The following TMTC1 variants were observed in gnomAD, a reference collection of about 807,000 sequenced individuals.
The protein encoded by TMTC1 is protein O-mannosyl-transferase TMTC1.
Under a neutral mutation model 104.8 loss-of-function variants are expected in TMTC1, and 73 were observed. The ratio of observed to expected loss-of-function variants is 0.70; its 90% confidence interval spans 0.58 to 0.85. TMTC1 has a LOEUF of 0.85. Ranked by LOEUF, TMTC1 falls within the 40% of genes least tolerant of loss-of-function variation. The pLI, the probability that TMTC1 is intolerant of heterozygous loss-of-function variation, is 0.00. For missense variants in TMTC1, 1,035 were observed against 1,096.1 expected (o/e 0.94, Z 0.79); for synonymous variants, 434 against 428.7 (o/e 1.01, Z -0.15).
chr12:29,559,771 C>T (rs994177487), intron 9 of TMTC1, among the ~76,000 whole-genome samples: 7 of 152,152 alleles, frequency 4.6e-5, no homozygotes, highest in African/African-American at 9.7e-5. Flanking sequence ...TGCTTATTCC[C>T]GGCAATACTA....
At chr12:29,656,855 T>G (rs1939783180) in intron 5 of TMTC1, among the ~76,000 whole-genome samples, 1 of 151,982 alleles carries the variant, frequency 6.6e-6, no homozygotes, top group African/African-American at 2.4e-5. Flanking sequence ...ACCAAAGAAG[T>G]TTTTTTTCCT....
At chr12:29,705,026 C>T (rs974040066) in intron 5 of TMTC1, among the ~76,000 whole-genome samples, 1 of 152,150 alleles carries the variant, frequency 6.6e-6, no homozygotes, top group Non-Finnish European at 1.5e-5. Context: ...CAAAATGCTG[C>T]CGATAAATAC....
intron 5 of TMTC1, among the ~76,000 whole-genome samples, chr12:29,736,469 G>T (rs1942677265): frequency 6.6e-6 from 1 of 151,890 alleles, no homozygotes; most frequent in African/African-American, 2.4e-5. Flanking sequence ...GCCCAGGCTG[G>T]AGTGCAGTGG....
chr12:29,755,807 C>T lies in TMTC1; in HGVS notation c.633G>A (p.Leu211=). 1.9e-6 allele frequency: 3 copies of T among 1,614,180 alleles called. No individual in the cohort carries two copies. The highest frequency in any genetic ancestry group is 1.1e-5 in the South Asian group (1 of 91,082). Residue 211 remains leucine (L), a synonymous_variant, in exon 4 of 18, where the codon CTG becomes CTA. Transcript: ENST00000539277. ...CTTTCACCAGCATCGCACAGGTCCC[C>T]AGAAACAAACTGAGCAGCAAGAAGA... ...SPFFLLLSLF[L]GTCAMLVKET... is the part of the protein sequence containing the mutation.
At position 29,699,219 on chromosome 12, in the gene TMTC1, C is replaced by G. The variant is rs116618403; in HGVS notation, c.938+52447G>C. Among the ~76,000 whole-genome samples, 546 of 152,230 alleles carry G rather than the reference C, an allele frequency of 3.6e-3. 4 individuals carry two copies. The highest frequency in any genetic ancestry group is 0.013 in the African/African-American group (530 of 41,542). ...AGGTAACAGTTGTGCAGAGGAAGGT[C>G]TCTGAATACCCATGATGTGTCAACT... On this transcript the variant is annotated intron_variant, in intron 5 of 17. Transcript: ENST00000539277.
chr12:29,611,334 G>A (rs1045962826), intron 6 of TMTC1, among the ~76,000 whole-genome samples: 10 of 151,918 alleles, frequency 6.6e-5, no homozygotes, highest in African/African-American at 2.4e-4. Flanking sequence ...TGAAGCTCCC[G>A]GATTGCTTTA....
chr12:29,683,763 A>T (rs866373948), intron 5 of TMTC1, among the ~76,000 whole-genome samples: 24 of 152,224 alleles, frequency 1.6e-4, no homozygotes, highest in African/African-American at 5.5e-4. Context: ...GACTCTCCTA[A>T]TTATTCAGAA....
chr12:29,530,075 G>C lies in TMTC1; in HGVS notation c.1785+6134C>G, dbSNP rs1203353221. The C allele has an allele frequency of 2.0e-5, 3 of 152,104 alleles. No individual in the cohort carries two copies. The East Asian group carries it at 5.8e-4, about 29-fold the overall frequency. 9.4% of individuals were successfully genotyped at this position (152,104 alleles called of 1,614,324 possible). A position where few individuals can be genotyped will look rare whatever the true frequency, so the allele number is the denominator to read the frequency against. On this transcript the variant is annotated intron_variant, in intron 11 of 17. Transcript: ENST00000539277. Reference sequence around the variant, plus strand: ...TCCTGATACTTTAGACTTTTCTCATGCCATTTTGCCTTCATTCTCTATACT... The same window carrying C: ...TCCTGATACTTTAGACTTTTCTCATCCCATTTTGCCTTCATTCTCTATACT...
Position 29,554,437 on chromosome 12 carries a change from C to G in TMTC1, c.1676+2420G>C, listed in dbSNP as rs113734002. 8.9e-3 allele frequency among the ~76,000 whole-genome samples: 1,351 copies of G among 151,840 alleles called. 17 individuals carry two copies. The highest frequency in any genetic ancestry group is 0.031 in the African/African-American group (1,284 of 41,394). Reference sequence around the variant, plus strand: ...GCATGGAAAAGGACTGTTGAATGTTCTTACTTTTAGCAAGACGTTAGCGAG... The same window carrying G: ...GCATGGAAAAGGACTGTTGAATGTTGTTACTTTTAGCAAGACGTTAGCGAG... On this transcript the variant is annotated intron_variant, in intron 10 of 17. Transcript: ENST00000539277.
At chr12:29,743,226 G>A (rs1179370186) in intron 5 of TMTC1, among the ~76,000 whole-genome samples, 1 of 152,180 alleles carries the variant, frequency 6.6e-6, no homozygotes, top group Non-Finnish European at 1.5e-5. Context: ...GGCAGTGGGG[G>A]CAGAATTGGA....
At chr12:29,550,933 CAAAAAAAAAAAAAAAAAA>C (rs200605964) in intron 10 of TMTC1, among the ~76,000 whole-genome samples, 16 of 108,328 alleles carry the variant, frequency 1.5e-4, no homozygotes, top group African/African-American at 3.6e-4. Flanking sequence ...GACTCCATCT[CAAAAAAAAAAAAAAAAAA>C]AAAAAAAAAA....
chr12:29,614,222 A>T (rs1186147301), intron 6 of TMTC1, among the ~76,000 whole-genome samples: 1 of 152,174 alleles, frequency 6.6e-6, no homozygotes. Context: ...CTTCTAGAGG[A>T]ATTACTATTC....
At position 29,566,241 on chromosome 12, in the gene TMTC1, C is replaced by T. The variant is rs140768993; in HGVS notation, c.1532+5864G>A. On this transcript the variant is annotated intron_variant, in intron 9 of 17. Transcript: ENST00000539277. The stretch of plus-strand genomic sequence containing the variant: ...AGGAGGAAAGAACAGAACGCAGAAC[C>T]CCTGAAACAGGAAGGTGATGTGGCT... Among the ~76,000 whole-genome samples the T allele has an allele frequency of 1.2e-3, 189 of 152,144 alleles. 3 individuals carry two copies. In the East Asian group the frequency reaches 0.034, roughly 27 times the overall value.
In TMTC1 at chr12:29,556,991, T is replaced by C; in HGVS notation, c.1542A>G (p.Pro514=). 6.2e-7 allele frequency: 1 copy of C among 1,614,060 alleles called. No homozygotes were observed. The highest frequency in any genetic ancestry group is 8.5e-7 in the Non-Finnish European group (1 of 1,179,978). ...GGTTGTTGAGCGCACTTGCATGGCGTGGATACAACCTGAAAAGTTAAAAAT... is the reference window on the plus strand; with the variant it reads ...GGTTGTTGAGCGCACTTGCATGGCGCGGATACAACCTGAAAAGTTAAAAAT... The part of the protein sequence containing the change: ...YHYRTALKLY[P]RHASALNNLG... Residue 514 remains proline, a synonymous_variant, in exon 10 of 18, where the codon CCA becomes CCG. Coordinates refer to ENST00000539277, the MANE Select transcript of TMTC1 (RefSeq NM_001193451.2).
At chr12:29,524,884 T>C (rs901671372) in intron 11 of TMTC1, among the ~76,000 whole-genome samples, 42 of 152,192 alleles carry the variant, frequency 2.8e-4, no homozygotes, top group Admixed American at 1.7e-3. Context: ...TCTCCCTTTT[T>C]AGTTTTATTG....
intron 5 of TMTC1, among the ~76,000 whole-genome samples, chr12:29,654,992 T>C (rs1939689209): frequency 6.6e-6 from 1 of 152,208 alleles, no homozygotes; most frequent in Non-Finnish European, 1.5e-5. Context: ...CAAGCGATTC[T>C]CCTGCCTCAG....
chr12:29,659,465 A>G (rs1939912603), intron 5 of TMTC1, among the ~76,000 whole-genome samples: 1 of 152,142 alleles, frequency 6.6e-6, no homozygotes, highest in South Asian at 2.1e-4. Flanking sequence ...CTCTCTCTCT[A>G]TGTGATCACT....
At chr12:29,521,566 C>CTTTTTTTT (rs3036151) in intron 11 of TMTC1, among the ~76,000 whole-genome samples, 12 of 89,636 alleles carry the variant, frequency 1.3e-4, no homozygotes, top group African/African-American at 3.5e-4. Flanking sequence ...TTCTTTCTTT[C>CTTTTTTTT]TTTTTTTTTT....
At chr12:29,608,789 C>T (rs902896712) in intron 6 of TMTC1, among the ~76,000 whole-genome samples, 2 of 152,096 alleles carry the variant, frequency 1.3e-5, no homozygotes, top group Non-Finnish European at 2.9e-5. Context: ...ACACATCAGG[C>T]CAAGCAGCTA....
Sources: gnomAD v4.1 joint callset for allele counts (sites outside exome capture counted in the v4.1 genomes callset) on GRCh38, gnomAD v4.1.1 for gene constraint, MANE v1.5 for transcripts, NCBI Gene and HGNC (gene_info 2026-07-23, HGNC 2026-07-21) for gene names.